The following NLGN1 variants were observed in gnomAD, a reference collection of about 807,000 sequenced individuals.
NLGN1 encodes neuroligin 1, also known as neuroligin-1.
In NLGN1, 12 loss-of-function variants were observed where a neutral mutation model predicts 65.5. The observed-to-expected ratio is 0.18, with a 90% CI of 0.12 to 0.30. The LOEUF is 0.30. Among genes scored for constraint, NLGN1 ranks in the 10% least tolerant of loss-of-function variants. The probability of loss-of-function intolerance (pLI) is 1.00; values close to 1 mark genes in which losing one functional copy is unlikely to be tolerated. For synonymous variants in NLGN1, 350 were observed against 359.5 expected (o/e 0.97, Z 0.30); for missense variants, 750 against 1,007.1 (o/e 0.74, Z 3.46).
intron 3 of NLGN1, among the ~76,000 whole-genome samples, chr3:173,681,336 T>C (rs1050495365): frequency 6.6e-5 from 10 of 152,220 alleles, no homozygotes; most frequent in Non-Finnish European, 1.0e-4. Flanking sequence ...GGATAATAAT[T>C]GACTGTTAGC....
chr3:173,650,270 T>A (rs1169725952), intron 3 of NLGN1, among the ~76,000 whole-genome samples: 1 of 152,148 alleles, frequency 6.6e-6, no homozygotes, highest in African/African-American at 2.4e-5. Flanking sequence ...CCTATGACAG[T>A]TTTCACTATT....
At chr3:173,999,887 A>C (rs979351541) in intron 4 of NLGN1, among the ~76,000 whole-genome samples, 15 of 152,284 alleles carry the variant, frequency 9.9e-5, no homozygotes, top group African/African-American at 3.4e-4. Context: ...CATTTTCAAA[A>C]GAAGAGTAAA....
At chr3:174,042,064 AC>A (rs1181988603) in intron 4 of NLGN1, among the ~76,000 whole-genome samples, 1 of 152,124 alleles carries the variant, frequency 6.6e-6, no homozygotes, top group South Asian at 2.1e-4. Flanking sequence ...CAAAAAAAAA[AC>A]ATTAGATTAT....
intron 2 of NLGN1, among the ~76,000 whole-genome samples, chr3:173,597,504 T>A (rs1365387804): frequency 6.6e-6 from 1 of 152,154 alleles, no homozygotes; most frequent in African/African-American, 2.4e-5. Flanking sequence ...GGAATTAAGA[T>A]TCTCTCTGGT....
intron 4 of NLGN1, among the ~76,000 whole-genome samples, chr3:173,944,106 T>G (rs1746683277): frequency 6.8e-6 from 1 of 147,742 alleles, no homozygotes; most frequent in East Asian, 2.0e-4. Context: ...TCATTTTAAA[T>G]GTCCAGTTAA....
chr3:174,044,080 G>A (rs1384891399), intron 4 of NLGN1, among the ~76,000 whole-genome samples: 1 of 152,148 alleles, frequency 6.6e-6, no homozygotes. Flanking sequence ...GGCCTAGGCT[G>A]TATCTTGGTC....
At chr3:173,958,967 C>A (rs1712848713) in intron 4 of NLGN1, among the ~76,000 whole-genome samples, 1 of 152,226 alleles carries the variant, frequency 6.6e-6, no homozygotes, top group African/African-American at 2.4e-5. Context: ...TCAGCCTCGA[C>A]TTTGCTCTGA....
At chr3:174,040,145 GT>G (rs1731965487) in intron 4 of NLGN1, among the ~76,000 whole-genome samples, 1 of 152,088 alleles carries the variant, frequency 6.6e-6, no homozygotes. Context: ...CCATTCCTCT[GT>G]TGTCTTTTTT....
intron 2 of NLGN1, among the ~76,000 whole-genome samples, chr3:173,443,350 A>G (rs1219195698): frequency 1.3e-5 from 2 of 148,706 alleles, no homozygotes; most frequent in African/African-American, 2.4e-5. Context: ...GACTATATAT[A>G]TAGTCATAAA....
At chr3:174,253,004 G>T (rs1382187384) in intron 4 of NLGN1, among the ~76,000 whole-genome samples, 4 of 152,116 alleles carry the variant, frequency 2.6e-5, no homozygotes, top group Non-Finnish European at 5.9e-5. Flanking sequence ...TTATGTTCAT[G>T]ATATTAATGG....
intron 4 of NLGN1, among the ~76,000 whole-genome samples, chr3:173,952,077 G>C (rs13074261): frequency 0.041 from 6,262 of 152,224 alleles, 185 homozygotes; most frequent in Non-Finnish European, 0.061. Flanking sequence ...CCATTTTTAT[G>C]TGAGGGGTGG....
intron 4 of NLGN1, among the ~76,000 whole-genome samples, chr3:173,995,838 A>G (rs1290995052): frequency 6.6e-6 from 1 of 151,316 alleles, no homozygotes; most frequent in African/African-American, 2.4e-5. Context: ...CGGTGCACAT[A>G]CCATACTCGG....
chr3:174,226,214 C>T (rs1169347248), intron 4 of NLGN1, among the ~76,000 whole-genome samples: 2 of 151,982 alleles, frequency 1.3e-5, no homozygotes, highest in Non-Finnish European at 2.9e-5. Context: ...ATTATGAGTG[C>T]CAAAAAAGTA....
intron 3 of NLGN1, among the ~76,000 whole-genome samples, chr3:173,686,092 A>G (rs912260106): frequency 6.6e-6 from 1 of 152,106 alleles, no homozygotes; most frequent in East Asian, 1.9e-4. Context: ...TTGAGTTAAA[A>G]CCCAAGGCAA....
intron 2 of NLGN1, among the ~76,000 whole-genome samples, chr3:173,518,961 T>A (rs906063277): frequency 2.0e-5 from 3 of 152,150 alleles, no homozygotes; most frequent in African/African-American, 7.2e-5. Context: ...TATAATGATC[T>A]TGTTGGCTGT....
intron 2 of NLGN1, among the ~76,000 whole-genome samples, chr3:173,439,664 A>G (rs1207182624): frequency 1.3e-5 from 2 of 152,120 alleles, no homozygotes; most frequent in Admixed American, 6.5e-5. Context: ...TATAAAAGTT[A>G]TGTTTACACT....
intron 3 of NLGN1, among the ~76,000 whole-genome samples, chr3:173,682,995 C>A (rs970716895): frequency 1.3e-5 from 2 of 152,170 alleles, no homozygotes; most frequent in Admixed American, 6.5e-5. Flanking sequence ...ATGTAAGTTG[C>A]TGGTTTTGCA....
At chr3:173,454,077 T>G (rs901212284) in intron 2 of NLGN1, among the ~76,000 whole-genome samples, 16 of 152,212 alleles carry the variant, frequency 1.1e-4, no homozygotes, top group Non-Finnish European at 2.2e-4. Flanking sequence ...CTTGTATATC[T>G]CCATCAGAGC....
downstream of NLGN1, among the ~76,000 whole-genome samples, chr3:174,287,416 A>C (rs990381639): frequency 6.6e-6 from 1 of 151,536 alleles, no homozygotes; most frequent in South Asian, 2.1e-4. Context: ...GCACCTAATA[A>C]ATTAAACAGT....
Sources: gnomAD v4.1 joint callset for allele counts (sites outside exome capture counted in the v4.1 genomes callset) on GRCh38, gnomAD v4.1.1 for gene constraint, MANE v1.5 for transcripts, NCBI Gene and HGNC (gene_info 2026-07-23, HGNC 2026-07-21) for gene names.